Variants in ATP11B observed in about 807,000 individuals in gnomAD.
ATP11B encodes the protein phospholipid-transporting ATPase IF.
In ATP11B, 81 loss-of-function variants were observed where a neutral mutation model predicts 157.8. The observed-to-expected ratio is 0.51, with a 90% CI of 0.43 to 0.62. The LOEUF (loss-of-function observed/expected upper bound fraction) is 0.62. Ranked by LOEUF, ATP11B falls within the 20% of genes least tolerant of loss-of-function variation. The pLI is 0.00. For missense variants in ATP11B, 1,165 were observed against 1,402.2 expected, an observed-to-expected ratio of 0.83 and a Z score of 2.70; for synonymous variants, 451 against 469.4, an observed-to-expected ratio of 0.96 and a Z score of 0.51.
At chr3:182,840,812 A>G (rs1262990058) in intron 7 of ATP11B, among the ~76,000 whole-genome samples, 4 of 152,164 alleles carry the variant, frequency 2.6e-5, no homozygotes, top group African/African-American at 7.2e-5. Context: ...AGCCAGTACC[A>G]TCTCCTGCCT....
In ATP11B at chr3:182,837,104, C is replaced by T; in HGVS notation, c.586C>T (p.Gln196Ter). 1 of 1,613,354 alleles carries T rather than the reference C, an allele frequency of 6.2e-7. No homozygotes were observed. The highest frequency in any genetic ancestry group is 8.5e-7 in the Non-Finnish European group (1 of 1,179,558). Residue 196 changes from glutamine to a stop codon, truncating the protein, a stop_gained, in exon 7 of 30, where the codon CAA becomes TAA. Coordinates refer to ENST00000323116, the MANE Select transcript of ATP11B (RefSeq NM_014616.3). LOFTEE classifies it high-confidence loss of function. Reference sequence around the variant, plus strand: ...GGCAGTTCCAGAAACAGCATTATTACAAACAGTTGCCAATTTGGACACTCT... The same window carrying T: ...GGCAGTTCCAGAAACAGCATTATTATAAACAGTTGCCAATTTGGACACTCT... ...HVAVPETALL[Q>*]TVANLDTLVA... is the part of the protein sequence containing the mutation.
rs573056851 is a variant in ATP11B, at chr3:182,872,777, T to G, written c.2048+240T>G. Reference sequence around the variant, plus strand: ...GTTTTTTCTTATAGGCTTGAATCTTTAGAATACTCCTCAGCATGTCATGCA... The same window carrying G: ...GTTTTTTCTTATAGGCTTGAATCTTGAGAATACTCCTCAGCATGTCATGCA... On this transcript the variant is annotated intron_variant, in intron 18 of 29. Coordinates refer to ENST00000323116, the MANE Select transcript of ATP11B (RefSeq NM_014616.3). 5.3e-5 allele frequency among the ~76,000 whole-genome samples: 8 copies of G among 152,356 alleles called. No homozygotes were observed. The East Asian group carries it at 1.4e-3, about 26-fold the overall frequency.
intron 2 of ATP11B, among the ~76,000 whole-genome samples, chr3:182,827,633 A>G (rs983939660): frequency 5.3e-5 from 8 of 151,358 alleles, no homozygotes; most frequent in East Asian, 3.9e-4. Flanking sequence ...AAGCATTTCT[A>G]TTTCTTTAAC....
At position 182,865,635 on chromosome 3, in the gene ATP11B, C is replaced by G. The variant is rs747431683; in HGVS notation, c.1380C>G (p.Asn460Lys). ...ATCTTAGTAGTTTATCCCATCTTAACAACTTATCCCATCTTACAACCAGTT... is the reference window on the plus strand; with the variant it reads ...ATCTTAGTAGTTTATCCCATCTTAAGAACTTATCCCATCTTACAACCAGTT... Reference protein sequence around the residue: ...LSYLSSLSHLNNLSHLTTSSS... With the variant: ...LSYLSSLSHLKNLSHLTTSSS... Residue 460 changes from asparagine to lysine, a missense_variant, in exon 13 of 30, where the codon AAC becomes AAG. Asn to Lys is a moderately conservative substitution (Grantham distance 94). Around this residue, in one of 4 missense-constraint regions of ATP11B, gnomAD observed 737 missense variants for 930.5 expected, o/e 0.79. Transcript: ENST00000323116. 7 of 1,613,398 alleles carry G rather than the reference C, an allele frequency of 4.3e-6. No individual in the cohort carries two copies. The highest frequency in any genetic ancestry group is 1.1e-5 in the South Asian group (1 of 91,070).
At position 182,919,427 on chromosome 3, in the gene ATP11B, A is replaced by G. The variant is rs554615001; in HGVS notation, c.*1323A>G. ...CATTGCACTTCAAAACCTAACTTCCATCCTGAATTTATCAAGTAGTTCAGT... is the reference window on the plus strand; with the variant it reads ...CATTGCACTTCAAAACCTAACTTCCGTCCTGAATTTATCAAGTAGTTCAGT... On this transcript the variant is annotated 3_prime_UTR_variant, in exon 30 of 30. Transcript: ENST00000323116. The G allele has an allele frequency of 6.5e-6, 1 of 152,764 alleles. No individual in the cohort carries two copies. Among genetic ancestry groups the G allele is most frequent in the African/African-American group, 2.4e-5 (1 of 41,588 alleles). 9.5% of individuals were successfully genotyped at this position (152,764 alleles called of 1,614,324 possible). A position where few individuals can be genotyped will look rare whatever the true frequency, so the allele number is the denominator to read the frequency against.
intron 1 of ATP11B, among the ~76,000 whole-genome samples, chr3:182,817,922 G>A (rs1259473796): frequency 1.3e-5 from 2 of 152,044 alleles, no homozygotes; most frequent in East Asian, 1.9e-4. Context: ...TTTACGTACT[G>A]TTTGAGGCCC....
intron 3 of ATP11B, 110 bp from the exon 4 acceptor site, chr3:182,829,562 A>C (rs1410158722): frequency 2.6e-6 from 2 of 762,410 alleles, no homozygotes; most frequent in Non-Finnish European, 4.3e-6. Flanking sequence ...TGAAGTTGTG[A>C]AATCGTGAAC....
intron 10 of ATP11B, among the ~76,000 whole-genome samples, chr3:182,854,654 A>G (rs552610962): frequency 6.6e-6 from 1 of 152,302 alleles, no homozygotes; most frequent in South Asian, 2.1e-4. Flanking sequence ...ATTTAAAGAA[A>G]TGAACATACA....
chr3:182,890,821 A>T (rs1723123128), intron 25 of ATP11B, among the ~76,000 whole-genome samples: 1 of 152,204 alleles, frequency 6.6e-6, no homozygotes, highest in Admixed American at 6.5e-5. Flanking sequence ...AATTAACCTC[A>T]GAGAGGTTAA....
intron 28 of ATP11B, among the ~76,000 whole-genome samples, chr3:182,904,250 A>C (rs1009116519): frequency 2.0e-5 from 3 of 152,182 alleles, no homozygotes; most frequent in Admixed American, 2.0e-4. Context: ...CATTTTACAT[A>C]TTGTGGTCTG....
At chr3:182,904,965 T>G (rs1194925978) in intron 28 of ATP11B, among the ~76,000 whole-genome samples, 1 of 152,076 alleles carries the variant, frequency 6.6e-6, no homozygotes, top group Non-Finnish European at 1.5e-5. Context: ...AAAGCTCATT[T>G]TGAGTATTTT....
chr3:182,874,659 G>A lies in ATP11B; in HGVS notation c.2252+644G>A, dbSNP rs555114398. ...AAATCTCATTACATACAGTTCTATC[G>A]TATGGAAATGTAAAAATCTCGTTAC... On this transcript the variant is annotated intron_variant, in intron 19 of 29. Transcript: ENST00000323116. Among the ~76,000 whole-genome samples the A allele has an allele frequency of 4.1e-4, 62 of 152,188 alleles. 2 individuals carry two copies. In the East Asian group the frequency reaches 7.7e-3, roughly 19 times the overall value.
chr3:182,829,142 T>C (rs1269128385), intron 3 of ATP11B, among the ~76,000 whole-genome samples: 1 of 152,234 alleles, frequency 6.6e-6, no homozygotes, highest in Non-Finnish European at 1.5e-5. Flanking sequence ...TCCATACATT[T>C]GTGAAATCAC....
At chr3:182,853,388 TA>T (rs1173870786) in intron 10 of ATP11B, among the ~76,000 whole-genome samples, 2 of 152,096 alleles carry the variant, frequency 1.3e-5, no homozygotes, top group African/African-American at 4.8e-5. Context: ...TTGTATTTTT[TA>T]GTAGAGACAG....
At chr3:182,891,131 A>G (rs1723147120) in intron 25 of ATP11B, among the ~76,000 whole-genome samples, 1 of 152,240 alleles carries the variant, frequency 6.6e-6, no homozygotes, top group African/African-American at 2.4e-5. Context: ...CATCAGTGCA[A>G]GTGCCACCAA....
chr3:182,797,089 C>T (rs1715658276), intron 1 of ATP11B, among the ~76,000 whole-genome samples: 1 of 152,224 alleles, frequency 6.6e-6, no homozygotes. Context: ...CTTCCCTTCA[C>T]AGTCACAAGG....
chr3:182,795,375 T>G (rs1715539270), intron 1 of ATP11B, among the ~76,000 whole-genome samples: 1 of 152,236 alleles, frequency 6.6e-6, no homozygotes, highest in African/African-American at 2.4e-5. Context: ...AAAAATGTAT[T>G]GAGACATCCT....
chr3:182,819,906 A>G (rs917565544), intron 1 of ATP11B, among the ~76,000 whole-genome samples: 13 of 152,240 alleles, frequency 8.5e-5, no homozygotes, highest in African/African-American at 2.2e-4. Context: ...AAATACTTCT[A>G]TAGGTCTCCC....
intron 1 of ATP11B, among the ~76,000 whole-genome samples, chr3:182,799,580 G>A (rs1715853801): frequency 6.6e-6 from 1 of 152,018 alleles, no homozygotes; most frequent in Non-Finnish European, 1.5e-5. Flanking sequence ...CGGCCCGAGT[G>A]CTGATCATTC....
Sources: allele counts gnomAD v4.1 joint callset (sites outside exome capture counted in the v4.1 genomes callset), GRCh38; gene constraint gnomAD v4.1.1; regional missense constraint gnomAD v4.1.1; transcripts MANE v1.5; gene names NCBI Gene and HGNC (gene_info 2026-07-23, HGNC 2026-07-21).